Variants in PCDHA2 observed in about 807,000 individuals in gnomAD.
PCDHA2 encodes protocadherin alpha 2.
A neutral mutation model predicts 66.0 loss-of-function variants in PCDHA2; 58 were observed. The ratio of observed to expected loss-of-function variants is 0.88; its 90% CI spans 0.71 to 1.09. PCDHA2 has a LOEUF of 1.09. Among genes scored for constraint, PCDHA2 ranks in the 50% least tolerant of loss-of-function variants. The probability of loss-of-function intolerance (pLI) is 0.00; values close to 1 mark genes in which losing one functional copy is unlikely to be tolerated. For missense variants in PCDHA2, 1,267 were observed against 1,242.3 expected (o/e 1.02, Z -0.30); for synonymous variants, 634 against 554.0 (o/e 1.14, Z -2.03).
At position 140,928,325 on chromosome 5, in the gene PCDHA2, G is replaced by A. The variant is rs1432328240; in HGVS notation, c.2389-50624G>A. 3.1e-6 allele frequency: 5 copies of A among 1,614,020 alleles called. No homozygotes were observed. The African/African-American group carries it at 6.7e-5, about 22-fold the overall frequency. ...CAGGACCCCGACCTGGGGAAGAATGGCCTTGTCTCTTATGAGCTGTTGGAT... is the reference window on the plus strand; with the variant it reads ...CAGGACCCCGACCTGGGGAAGAATGACCTTGTCTCTTATGAGCTGTTGGAT... On this transcript the variant is annotated intron_variant, in intron 1 of 3. Transcript: ENST00000526136.
At chr5:140,809,588 C>T (rs531817077) in intron 1 of PCDHA2, 19 of 1,541,288 alleles carry the variant, frequency 1.2e-5, no homozygotes, top group Non-Finnish European at 1.7e-5. Flanking sequence ...TGTATAACAT[C>T]CTTTTGTTTA....
intron 1 of PCDHA2, among the ~76,000 whole-genome samples, chr5:140,895,220 A>C (rs1044682871): frequency 6.6e-6 from 1 of 152,158 alleles, no homozygotes; most frequent in Non-Finnish European, 1.5e-5. Context: ...CTAATATTTT[A>C]CTGAGTTTTC....
In PCDHA2 at chr5:141,010,177, C is replaced by T; in HGVS notation, c.*240C>T. 3 of 1,556,196 alleles carry T rather than the reference C, an allele frequency of 1.9e-6. No homozygotes were observed. The highest frequency in any genetic ancestry group is 1.7e-4 in the Middle Eastern group (1 of 6,000). On this transcript the variant is annotated 3_prime_UTR_variant, in exon 4 of 4. Coordinates refer to ENST00000526136, the MANE Select transcript of PCDHA2 (RefSeq NM_018905.3). ...TGGCTTGTTTTCAGAACCTAAAAAG[C>T]AGACCCAAGTTTCCTTTCTCCTCCG... is the stretch of plus-strand genomic sequence containing the variant.
chr5:140,870,106 G>A, intron 1 of PCDHA2: 3 of 1,613,922 alleles, frequency 1.9e-6, no homozygotes, highest in Non-Finnish European at 2.5e-6. Context: ...TCACTGTACA[G>A]TCTGGGTGGA....
rs1486242200 is a variant in PCDHA2, at chr5:140,900,929, A to G, written c.2389-78020A>G. ...CTGTGGTAAGATGATATCTCATTGT[A>G]GTTTTGATTTGCATTTCTCTGATTA... On this transcript the variant is annotated intron_variant, in intron 1 of 3. Coordinates refer to ENST00000526136, the MANE Select transcript of PCDHA2 (RefSeq NM_018905.3). Among the ~76,000 whole-genome samples, 8 of 152,104 alleles carry G rather than the reference A, an allele frequency of 5.3e-5. No individual in the cohort carries two copies. The East Asian group carries it at 1.5e-3, about 29-fold the overall frequency.
chr5:140,877,868 T>A, intron 1 of PCDHA2: 1 of 1,488,916 alleles, frequency 6.7e-7, no homozygotes, highest in Non-Finnish European at 8.9e-7. Context: ...TTAGATATAT[T>A]TGTTTCCTTG....
intron 1 of PCDHA2, among the ~76,000 whole-genome samples, chr5:140,818,289 T>G (rs2150100721): frequency 1.3e-5 from 2 of 152,350 alleles, no homozygotes; most frequent in African/African-American, 4.8e-5. Flanking sequence ...AATCCATGTT[T>G]TATTCTGACC....
At chr5:140,913,212 T>G (rs113766408) in intron 1 of PCDHA2, among the ~76,000 whole-genome samples, 11,533 of 152,278 alleles carry the variant, frequency 0.076, 607 homozygotes, top group Non-Finnish European at 0.12. Flanking sequence ...AGCCAATGGG[T>G]CCCAGGCTTT....
chr5:140,887,672 T>G (rs2061538471), intron 1 of PCDHA2, among the ~76,000 whole-genome samples: 1 of 152,180 alleles, frequency 6.6e-6, no homozygotes, highest in Admixed American at 6.5e-5. Flanking sequence ...GGATTTATCA[T>G]TTTCATCAAA....
At chr5:140,848,870 C>T (rs2040645245) in intron 1 of PCDHA2, 1 of 1,590,634 alleles carries the variant, frequency 6.3e-7, no homozygotes, top group African/African-American at 1.4e-5. Flanking sequence ...AGGTGAAGGA[C>T]ATTAACGACA....
chr5:140,832,712 T>C (rs1357328899), intron 1 of PCDHA2, among the ~76,000 whole-genome samples: 1 of 152,102 alleles, frequency 6.6e-6, no homozygotes. Flanking sequence ...ATTTAATAGA[T>C]AAATAAAGGT....
chr5:140,802,081 T>G, intron 1 of PCDHA2: 1 of 1,614,222 alleles, frequency 6.2e-7, no homozygotes, highest in Non-Finnish European at 8.5e-7. Context: ...AAATTCCATT[T>G]AGATCCAGTC....
intron 1 of PCDHA2, among the ~76,000 whole-genome samples, chr5:140,907,298 A>T (rs138771358): frequency 0.017 from 2,638 of 152,276 alleles, 92 homozygotes; most frequent in African/African-American, 0.06. Context: ...CTGCTTCAGG[A>T]TGATGGGGAA....
chr5:140,808,323 T>C (rs1764144511), intron 1 of PCDHA2: 5 of 1,614,264 alleles, frequency 3.1e-6, no homozygotes, highest in Non-Finnish European at 4.2e-6. Context: ...GACAAAGACA[T>C]GGGTGTCAAT....
chr5:140,843,489 G>T lies in PCDHA2; in HGVS notation c.2388+46137G>T, dbSNP rs2150361158. On this transcript the variant is annotated intron_variant, in intron 1 of 3. Transcript: ENST00000526136. ...CTGCTGCTGTACACTGCGCTGCGGT[G>T]CTCAGCACTGCCCACTGAGGGCGGG... The T allele has an allele frequency of 1.3e-6, 2 of 1,596,080 alleles. No homozygotes were observed. The highest frequency in any genetic ancestry group is 1.7e-6 in the Non-Finnish European group (2 of 1,165,638).
At chr5:140,871,284 T>G in intron 1 of PCDHA2, 1 of 1,613,896 alleles carries the variant, frequency 6.2e-7, no homozygotes. Flanking sequence ...CAACGCCCAC[T>G]GAGGGCGCGT....
At chr5:140,802,506 G>A (rs533106648) in intron 1 of PCDHA2, 1 of 1,614,180 alleles carries the variant, frequency 6.2e-7, no homozygotes, top group African/African-American at 1.3e-5. Flanking sequence ...TTCACTGTGG[G>A]CCACGGCCAG....
intron 1 of PCDHA2, among the ~76,000 whole-genome samples, chr5:140,970,269 A>G (rs1410341195): frequency 6.6e-6 from 1 of 152,184 alleles, no homozygotes; most frequent in East Asian, 1.9e-4. Flanking sequence ...TTTTGATGAG[A>G]TGTAAAGTAG....
chr5:140,861,061 A>G (rs1278905276), intron 1 of PCDHA2: 1 of 152,226 alleles, frequency 6.6e-6, no homozygotes, highest in Admixed American at 6.5e-5. Context: ...AGAAAATCAG[A>G]TTATTCCTAG....
Sources: gnomAD v4.1 joint callset for allele counts (sites outside exome capture counted in the v4.1 genomes callset) on GRCh38, gnomAD v4.1.1 for gene constraint, MANE v1.5 for transcripts, NCBI Gene and HGNC (gene_info 2026-07-23, HGNC 2026-07-21) for gene names.